DERL1: variants seen among roughly 807,000 people sequenced by gnomAD.
DERL1 encodes the protein derlin-1.
In DERL1, 24 loss-of-function variants were observed where a neutral mutation model predicts 41.6. The ratio of observed to expected loss-of-function variants is 0.58; its 90% CI spans 0.42 to 0.81. DERL1 has a LOEUF of 0.81. Ranked by LOEUF, DERL1 falls within the 30% of genes least tolerant of loss-of-function variation. The probability of loss-of-function intolerance (pLI) is 0.00; values close to 1 mark genes in which losing one functional copy is unlikely to be tolerated. For synonymous variants in DERL1, 124 were observed against 112.5 expected, an observed-to-expected ratio of 1.10 and a Z score of -0.65; for missense variants, 260 against 314.3, an observed-to-expected ratio of 0.83 and a Z score of 1.31.
At chr8:123,036,558 TATAAACTTATTATAC>T (rs1812933692) in intron 1 of DERL1, among the ~76,000 whole-genome samples, 1 of 152,210 alleles carries the variant, frequency 6.6e-6, no homozygotes, top group Non-Finnish European at 1.5e-5. Context: ...AAACTCAAGC[TATAAACTTATTATAC>T]ATACACTTTC....
At position 123,019,223 on chromosome 8, in the gene DERL1, T is replaced by C; in HGVS notation, c.589A>G (p.Arg197Gly). 5 of 1,613,728 alleles carry C rather than the reference T, an allele frequency of 3.1e-6. No homozygotes were observed. The highest frequency in any genetic ancestry group is 4.2e-6 in the Non-Finnish European group (5 of 1,179,660). The change falls in exon 7 of 8, where the codon AGA (arginine) becomes GGA (glycine). Residue 197 changes from arginine (R) to glycine (G), a missense_variant. Coordinates refer to ENST00000259512, the MANE Select transcript of DERL1 (RefSeq NM_024295.6). The part of the protein sequence containing the change: ...MFRYPMDLGG[R>G]NFLSTPQFLY... ...AACTGAGGTGTGGATAGAAAATTTC[T>C]TCCTCCCAAGTCCATTGGGTATCTG...
At chr8:123,041,911 A>G in intron 1 of DERL1, 59 bp downstream of exon 1, 1 of 1,501,994 alleles carries the variant, frequency 6.7e-7, no homozygotes, top group Non-Finnish European at 8.9e-7. Context: ...GCCTACGCTT[A>G]GCCGCCGCTG....
intron 2 of DERL1, among the ~76,000 whole-genome samples, chr8:123,026,834 T>C (rs1364590767): frequency 6.6e-6 from 1 of 151,464 alleles, no homozygotes; most frequent in Non-Finnish European, 1.5e-5. Flanking sequence ...GGTATATCCA[T>C]ACGATGGAAT....
At chr8:123,039,846 G>C (rs1335045846) in intron 1 of DERL1, among the ~76,000 whole-genome samples, 7 of 152,224 alleles carry the variant, frequency 4.6e-5, no homozygotes, top group African/African-American at 2.4e-5. Context: ...AAGGACAGTG[G>C]TGAACGGCTC....
chr8:123,027,972 G>A (rs1812740477), intron 2 of DERL1, among the ~76,000 whole-genome samples: 1 of 148,690 alleles, frequency 6.7e-6, no homozygotes, highest in Non-Finnish European at 1.5e-5. Context: ...TGAGGCACAA[G>A]AATCACTTGA....
chr8:123,028,916 A>G (rs1433603520), intron 2 of DERL1, among the ~76,000 whole-genome samples: 1 of 152,076 alleles, frequency 6.6e-6, no homozygotes, highest in East Asian at 1.9e-4. Flanking sequence ...AAAATACAAA[A>G]GTCAGCCAGG....
At chr8:123,023,676 A>G in intron 4 of DERL1, 37 bp downstream of exon 4, 1 of 1,599,706 alleles carries the variant, frequency 6.3e-7, no homozygotes, top group Non-Finnish European at 8.5e-7. Flanking sequence ...TTTGAAACAA[A>G]TAAAAGGGCA....
Position 123,020,796 on chromosome 8 carries a change from C to CAAAA in DERL1, c.506+647_506+650dup, listed in dbSNP as rs59816749. Among the ~76,000 whole-genome samples the CAAAA allele has an allele frequency of 3.6e-5, 4 of 112,384 alleles. 1 individual carries two copies. Among genetic ancestry groups the CAAAA allele is most frequent in the Non-Finnish European group, 6.9e-5 (4 of 57,892 alleles). The allele number at this position is 112,384 out of a possible 152,430, so 73.7% of individuals were successfully genotyped here. A position where few individuals can be genotyped will look rare whatever the true frequency, so the allele number is the denominator to read the frequency against. ...AAAACCCCATCTCTACTAAAAATCC[C>CAAAA]AAAAAAAAAAAAAAAAAAAAATAGC... On this transcript the variant is annotated intron_variant, in intron 6 of 7. Transcript: ENST00000259512.
intron 1 of DERL1, among the ~76,000 whole-genome samples, chr8:123,033,582 A>G (rs1018885916): frequency 2.0e-5 from 3 of 152,102 alleles, no homozygotes; most frequent in African/African-American, 7.2e-5. Flanking sequence ...TGTCTCTACT[A>G]AAAACACAAA....
chr8:123,023,452 A>C (rs1812611758), intron 4 of DERL1, among the ~76,000 whole-genome samples: 1 of 152,080 alleles, frequency 6.6e-6, no homozygotes, highest in South Asian at 2.1e-4. Context: ...CTACACGGGA[A>C]GCTGAGGCAG....
intron 4 of DERL1, among the ~76,000 whole-genome samples, chr8:123,023,068 A>G (rs959703452): frequency 9.2e-5 from 14 of 152,206 alleles, no homozygotes; most frequent in African/African-American, 3.1e-4. Context: ...TATAATCTCA[A>G]TTTTTAAAAA....
chr8:123,041,428 T>C lies in DERL1; in HGVS notation c.153+542A>G, dbSNP rs539378805. Among the ~76,000 whole-genome samples the C allele has an allele frequency of 7.2e-5, 11 of 152,368 alleles. No homozygotes were observed. The East Asian group carries it at 1.9e-3, about 27-fold the overall frequency. On this transcript the variant is annotated intron_variant, in intron 1 of 7. Transcript: ENST00000259512. ...CCCATTCCTTCGTACATTCTATTAC[T>C]ACGTGGGGGACACTAAATTAGGTCT...
intron 1 of DERL1, among the ~76,000 whole-genome samples, chr8:123,033,778 A>C (rs1812867545): frequency 6.6e-6 from 1 of 152,196 alleles, no homozygotes; most frequent in Non-Finnish European, 1.5e-5. Context: ...TGGGCTTTCC[A>C]AGCATACAAC....
chr8:123,035,867 T>A (rs896431502), intron 1 of DERL1, among the ~76,000 whole-genome samples: 6 of 152,066 alleles, frequency 3.9e-5, no homozygotes, highest in African/African-American at 9.7e-5. Context: ...TTTTTTTTTT[T>A]AAAGTATGAA....
chr8:123,027,293 C>CA (rs1491294516), intron 2 of DERL1, among the ~76,000 whole-genome samples: 6,674 of 27,164 alleles, frequency 0.25, 1,037 homozygotes, highest in African/African-American at 0.4. Context: ...GACCCTGTCT[C>CA]AAAAAAAAAA....
In DERL1 at chr8:123,021,479, A is replaced by G; in HGVS notation, c.474T>C (p.Val158=). The G allele has an allele frequency of 1.2e-6, 2 of 1,613,960 alleles. No individual in the cohort carries two copies. Among genetic ancestry groups the G allele is most frequent in the South Asian group, 2.2e-5 (2 of 91,078 alleles). The change falls in exon 6 of 8, where the codon GTT becomes GTC. Residue 158 remains valine (V), a synonymous_variant. Transcript: ENST00000259512. The part of the protein sequence containing the change: ...TRFKACYLPW[V]ILGFNYIIGG... ...CGATGATATAGTTGAATCCAAGGAT[A>G]ACCCAGGGTAAATAGCAGGCCTAGG... is the stretch of plus-strand genomic sequence containing the variant.
intron 1 of DERL1, 107 bp from the exon 2 acceptor site, chr8:123,030,823 G>C (rs1208681297): frequency 1.3e-6 from 1 of 741,740 alleles, no homozygotes. Context: ...TGAGAGGTGT[G>C]AAAGTGATCC....
intron 3 of DERL1, among the ~76,000 whole-genome samples, chr8:123,024,411 T>G (rs1002372108): frequency 6.6e-6 from 1 of 152,182 alleles, no homozygotes; most frequent in Non-Finnish European, 1.5e-5. Context: ...TCACCAATTT[T>G]GCACAGGACC....
intron 1 of DERL1, among the ~76,000 whole-genome samples, chr8:123,036,538 GA>G (rs1812933154): frequency 6.6e-6 from 1 of 152,084 alleles, no homozygotes; most frequent in South Asian, 2.1e-4. Flanking sequence ...TACATGTTTT[GA>G]ATTTTTAAAA....
Sources: gnomAD v4.1 joint callset for allele counts (sites outside exome capture counted in the v4.1 genomes callset) on GRCh38, gnomAD v4.1.1 for gene constraint, MANE v1.5 for transcripts, NCBI Gene and HGNC (gene_info 2026-07-23, HGNC 2026-07-21) for gene names.